Variants in CCSER1 observed in about 807,000 individuals in gnomAD.
CCSER1 encodes serine-rich coiled-coil domain-containing protein 1.
CCSER1 carries 41 observed loss-of-function variants against 82.0 expected under a neutral mutation model. That is an observed-to-expected ratio of 0.50 (90% CI 0.39 to 0.65). The LOEUF (loss-of-function observed/expected upper bound fraction) is 0.65. CCSER1 is among the 30% of genes least tolerant of loss of function. CCSER1 has a pLI of 0.00. For missense variants in CCSER1, 1,119 were observed against 1,064.2 expected (o/e 1.05, Z -0.72); for synonymous variants, 414 against 383.9 (o/e 1.08, Z -0.92).
intron 6 of CCSER1, among the ~76,000 whole-genome samples, chr4:90,710,749 A>C (rs1404574833): frequency 1.3e-5 from 2 of 151,906 alleles, no homozygotes; most frequent in African/African-American, 4.8e-5. Context: ...AGTATGATTT[A>C]AAGTCAGGTA....
rs1724135757 is a variant in CCSER1, at chr4:91,093,066, A to T, written c.2217+7072A>T. 2.6e-5 allele frequency among the ~76,000 whole-genome samples: 4 copies of T among 152,216 alleles called. No homozygotes were observed. The South Asian group carries it at 8.3e-4, about 31-fold the overall frequency. On this transcript the variant is annotated intron_variant, in intron 10 of 10. Transcript: ENST00000509176. ...TGAATGGTTAGAAAGGCATATCAAG[A>T]GTCAGTATAAATGTTTACAGTCTTA...
chr4:91,001,232 C>T (rs1428383285), intron 9 of CCSER1, among the ~76,000 whole-genome samples: 1 of 152,074 alleles, frequency 6.6e-6, no homozygotes, highest in Non-Finnish European at 1.5e-5. Context: ...ATATATTGAA[C>T]CAACCTTGCA....
At chr4:90,528,949 T>G (rs1774137640) in intron 5 of CCSER1, among the ~76,000 whole-genome samples, 1 of 152,194 alleles carries the variant, frequency 6.6e-6, no homozygotes, top group African/African-American at 2.4e-5. Context: ...GTTGGAATTT[T>G]GTTGTCCATA....
At chr4:90,492,449 TG>T (rs999306789) in intron 5 of CCSER1, among the ~76,000 whole-genome samples, 2 of 152,212 alleles carry the variant, frequency 1.3e-5, no homozygotes, top group Non-Finnish European at 2.9e-5. Flanking sequence ...TCAATTTTGT[TG>T]ATCTTTTCAA....
chr4:90,376,206 G>A (rs79457251), intron 3 of CCSER1, among the ~76,000 whole-genome samples: 2,234 of 152,286 alleles, frequency 0.015, 74 homozygotes, highest in African/African-American at 0.05. Flanking sequence ...TGGTTACTCA[G>A]GGGATCTTCT....
chr4:90,729,183 A>C (rs1483041631), intron 7 of CCSER1, among the ~76,000 whole-genome samples: 4 of 152,234 alleles, frequency 2.6e-5, no homozygotes, highest in African/African-American at 7.2e-5. Context: ...AATAGCACAT[A>C]GTAACCCATA....
intron 8 of CCSER1, among the ~76,000 whole-genome samples, chr4:90,825,006 GGGACTGCCTC>G (rs1760224575): frequency 6.6e-6 from 1 of 152,052 alleles, no homozygotes; most frequent in Non-Finnish European, 1.5e-5. Context: ...ATACATAATG[GGGACTGCCTC>G]CAGTTTCTTA....
chr4:90,573,467 A>G (rs1326849894), intron 5 of CCSER1, among the ~76,000 whole-genome samples: 1 of 152,150 alleles, frequency 6.6e-6, no homozygotes, highest in African/African-American at 2.4e-5. Context: ...CACAAAGTGG[A>G]TATTATCTCT....
At chr4:90,859,867 A>G (rs1184752670) in intron 8 of CCSER1, among the ~76,000 whole-genome samples, 1 of 151,700 alleles carries the variant, frequency 6.6e-6, no homozygotes, top group African/African-American at 2.4e-5. Flanking sequence ...TTTAACACAG[A>G]TTTTATTTCA....
chr4:91,321,650 G>GC (rs1746202675), intron 10 of CCSER1, among the ~76,000 whole-genome samples: 1 of 151,758 alleles, frequency 6.6e-6, no homozygotes, highest in Non-Finnish European at 1.5e-5. Context: ...TTCAACTTAA[G>GC]GTTTTTTATT....
At chr4:91,369,009 T>C (rs1408101696) in intron 10 of CCSER1, among the ~76,000 whole-genome samples, 1 of 152,198 alleles carries the variant, frequency 6.6e-6, no homozygotes, top group Non-Finnish European at 1.5e-5. Flanking sequence ...TTCCCAACAG[T>C]CCTTATCTTT....
chr4:91,571,016 G>T (rs1357375092), intron 10 of CCSER1, among the ~76,000 whole-genome samples: 1 of 152,082 alleles, frequency 6.6e-6, no homozygotes, highest in Non-Finnish European at 1.5e-5. Flanking sequence ...TAGGGCAGGG[G>T]CAAAATTCCA....
chr4:90,807,189 T>C (rs2149723384), intron 7 of CCSER1, among the ~76,000 whole-genome samples: 1 of 152,278 alleles, frequency 6.6e-6, no homozygotes, highest in South Asian at 2.1e-4. Flanking sequence ...ATCTCTCTGA[T>C]TGTAAGAATC....
At position 90,869,489 on chromosome 4, in the gene CCSER1, C is replaced by G. The variant is rs1012952524; in HGVS notation, c.2094+53644C>G. Among the ~76,000 whole-genome samples the G allele has an allele frequency of 2.6e-5, 4 of 151,750 alleles. No individual in the cohort carries two copies. The South Asian group carries it at 8.3e-4, about 31-fold the overall frequency. Reference sequence around the variant, plus strand: ...TCCCTAATTTATGTTCTTGTCACCTCTGTTGAAAATGAATTTACTGTAGAT... The same window carrying G: ...TCCCTAATTTATGTTCTTGTCACCTGTGTTGAAAATGAATTTACTGTAGAT... On this transcript the variant is annotated intron_variant, in intron 8 of 10. Coordinates refer to ENST00000509176, the MANE Select transcript of CCSER1 (RefSeq NM_001145065.2).
intron 10 of CCSER1, among the ~76,000 whole-genome samples, chr4:91,512,510 T>C (rs1759880342): frequency 6.6e-6 from 1 of 152,168 alleles, no homozygotes; most frequent in Non-Finnish European, 1.5e-5. Context: ...CTCGGACTGA[T>C]CCACCACTGG....
At chr4:90,997,106 A>C (rs902159448) in intron 9 of CCSER1, among the ~76,000 whole-genome samples, 2 of 152,166 alleles carry the variant, frequency 1.3e-5, no homozygotes, top group Non-Finnish European at 2.9e-5. Flanking sequence ...AAATTTTGTT[A>C]TCTTACAGTT....
At chr4:91,567,668 TTTG>T (rs1375912763) in intron 10 of CCSER1, among the ~76,000 whole-genome samples, 1 of 152,102 alleles carries the variant, frequency 6.6e-6, no homozygotes, top group African/African-American at 2.4e-5. Context: ...TGGTTTGAAA[TTTG>T]TTTTGTCTGA....
chr4:91,181,091 G>A (rs1320565992), intron 10 of CCSER1, among the ~76,000 whole-genome samples: 1 of 152,220 alleles, frequency 6.6e-6, no homozygotes, highest in African/African-American at 2.4e-5. Flanking sequence ...TTCCAGCATG[G>A]GCATTAGGGC....
In CCSER1 at chr4:91,375,208, G is replaced by A. The variant is rs570355080; in HGVS notation, c.2218-223364G>A. On this transcript the variant is annotated intron_variant, in intron 10 of 10. Transcript: ENST00000509176. ...TCCAGCCTCCATGGATGATTTTGAGGGATTCAAAAGTTCAGGGGAGGAAGT... is the reference window on the plus strand; with the variant it reads ...TCCAGCCTCCATGGATGATTTTGAGAGATTCAAAAGTTCAGGGGAGGAAGT... Among the ~76,000 whole-genome samples the A allele has an allele frequency of 1.3e-4, 20 of 152,254 alleles. 1 individual carries two copies. The East Asian group carries it at 3.3e-3, about 25-fold the overall frequency.
Sources: gnomAD v4.1 joint callset for allele counts (sites outside exome capture counted in the v4.1 genomes callset) on GRCh38, gnomAD v4.1.1 for gene constraint, MANE v1.5 for transcripts, NCBI Gene and HGNC (gene_info 2026-07-23, HGNC 2026-07-21) for gene names.